LRP1B: variants seen among roughly 807,000 people sequenced by gnomAD.
LRP1B encodes LDL receptor related protein 1B, also known as low-density lipoprotein receptor-related protein 1B.
A neutral mutation model predicts 556.6 loss-of-function variants in LRP1B; 217 were observed. That is an observed-to-expected ratio of 0.39 (90% CI 0.35 to 0.44). The LOEUF is 0.44. Ranked by LOEUF, LRP1B falls within the 20% of genes least tolerant of loss-of-function variation. The probability of loss-of-function intolerance (pLI) is 1.00; values close to 1 mark genes in which losing one functional copy is unlikely to be tolerated. For synonymous variants in LRP1B, 2,047 were observed against 1,865.8 expected, an observed-to-expected ratio of 1.10 and a Z score of -2.50; for missense variants, 5,053 against 5,620.8, an observed-to-expected ratio of 0.90 and a Z score of 3.23.
intron 66 of LRP1B, among the ~76,000 whole-genome samples, chr2:140,389,246 GTA>G (rs1558848379): frequency 6.6e-6 from 1 of 151,916 alleles, no homozygotes; most frequent in Non-Finnish European, 1.5e-5. Context: ...ATTATATGTA[GTA>G]TATAATGTAA....
At chr2:141,803,431 AG>A (rs1190509300) in intron 2 of LRP1B, among the ~76,000 whole-genome samples, 2 of 152,036 alleles carry the variant, frequency 1.3e-5, no homozygotes, top group African/African-American at 4.8e-5. Flanking sequence ...TTATTAAAGA[AG>A]GGTCAATGCT....
chr2:140,693,265 T>C (rs1029089928), intron 41 of LRP1B, among the ~76,000 whole-genome samples: 4 of 152,228 alleles, frequency 2.6e-5, no homozygotes, highest in Admixed American at 2.0e-4. Flanking sequence ...TTTGCTCTTC[T>C]ATGTGAATTC....
chr2:141,840,363 A>T (rs1697426256), intron 1 of LRP1B, among the ~76,000 whole-genome samples: 1 of 139,100 alleles, frequency 7.2e-6, no homozygotes, highest in African/African-American at 2.8e-5. Flanking sequence ...TCCCGGGTTC[A>T]CGCCATTCTC....
At position 141,062,117 on chromosome 2, in the gene LRP1B, G is replaced by A. The variant is rs1431955826; in HGVS notation, c.1170C>T (p.Tyr390=). ...VNKLVYWVDL[Y]LDYVGVVDYQ... is the part of the protein sequence containing the mutation. ...AGTCCACTACTCCCACATAGTCCAA[G>A]TAAAGATCTACCCAGTAAACCAATT... Residue 390 remains tyrosine, a synonymous_variant, in exon 8 of 91, where the codon TAC becomes TAT. Transcript: ENST00000389484. The A allele has an allele frequency of 1.9e-6, 3 of 1,611,916 alleles. No homozygotes were observed. Among genetic ancestry groups the A allele is most frequent in the Middle Eastern group, 1.7e-4 (1 of 6,046 alleles).
At chr2:141,704,358 A>C (rs1692062308) in intron 2 of LRP1B, among the ~76,000 whole-genome samples, 1 of 151,990 alleles carries the variant, frequency 6.6e-6, no homozygotes, top group Non-Finnish European at 1.5e-5. Context: ...TAAAAGATCA[A>C]CTTGAAACAC....
chr2:140,578,476 T>C (rs1022194247), intron 43 of LRP1B, among the ~76,000 whole-genome samples: 11 of 152,228 alleles, frequency 7.2e-5, no homozygotes, highest in African/African-American at 1.7e-4. Context: ...CCAGCCACCC[T>C]GGCCTCCTTC....
intron 86 of LRP1B, among the ~76,000 whole-genome samples, chr2:140,259,903 T>TA (rs754895396): frequency 4.6e-5 from 7 of 151,902 alleles, no homozygotes; most frequent in Non-Finnish European, 7.4e-5. Flanking sequence ...GTGATAAATG[T>TA]AAAAACCAAT....
intron 41 of LRP1B, among the ~76,000 whole-genome samples, chr2:140,673,541 A>G (rs763583047): frequency 1.3e-5 from 2 of 152,150 alleles, no homozygotes; most frequent in African/African-American, 4.8e-5. Context: ...TTTAACATCT[A>G]TATCTATGAA....
At chr2:141,439,130 A>G (rs1680869601) in intron 3 of LRP1B, among the ~76,000 whole-genome samples, 1 of 152,150 alleles carries the variant, frequency 6.6e-6, no homozygotes, top group Non-Finnish European at 1.5e-5. Flanking sequence ...AAATGTTAAG[A>G]TTTCTAATTG....
chr2:141,982,221 A>G (rs926999124), intron 1 of LRP1B, among the ~76,000 whole-genome samples: 2 of 152,188 alleles, frequency 1.3e-5, no homozygotes, highest in African/African-American at 4.8e-5. Context: ...TTAAGGCTCT[A>G]GTGGGCTAAT....
intron 3 of LRP1B, among the ~76,000 whole-genome samples, chr2:141,317,108 T>C (rs1008512023): frequency 5.3e-5 from 8 of 152,168 alleles, no homozygotes; most frequent in Non-Finnish European, 8.8e-5. Context: ...TTTGACACAA[T>C]TGAATGAGGT....
chr2:141,730,665 A>T (rs2105517700), intron 2 of LRP1B, among the ~76,000 whole-genome samples: 1 of 152,280 alleles, frequency 6.6e-6, no homozygotes, highest in Middle Eastern at 3.4e-3. Context: ...AGTATTTATG[A>T]GTCAGAGGAA....
chr2:141,669,952 A>G (rs1287434561), intron 2 of LRP1B, among the ~76,000 whole-genome samples: 9 of 152,064 alleles, frequency 5.9e-5, no homozygotes, highest in African/African-American at 9.6e-5. Flanking sequence ...ACGGGGTTTC[A>G]CCATGTTGGT....
chr2:141,226,766 G>A (rs894566076), intron 6 of LRP1B, among the ~76,000 whole-genome samples: 21 of 152,094 alleles, frequency 1.4e-4, no homozygotes, highest in African/African-American at 4.3e-4. Flanking sequence ...AGAGCCCATC[G>A]TATTCAATGG....
intron 1 of LRP1B, among the ~76,000 whole-genome samples, chr2:141,930,629 G>T (rs1025742738): frequency 3.9e-5 from 6 of 152,002 alleles, no homozygotes; most frequent in African/African-American, 1.4e-4. Flanking sequence ...GGGATAAGTG[G>T]TTAATTTGGT....
At chr2:141,559,081 T>C (rs1299244965) in intron 2 of LRP1B, among the ~76,000 whole-genome samples, 1 of 151,680 alleles carries the variant, frequency 6.6e-6, no homozygotes, top group Non-Finnish European at 1.5e-5. Flanking sequence ...TAAATTGTTT[T>C]GGTACACTAT....
intron 1 of LRP1B, among the ~76,000 whole-genome samples, chr2:141,811,971 G>C (rs1392738065): frequency 6.6e-6 from 1 of 152,126 alleles, no homozygotes; most frequent in Non-Finnish European, 1.5e-5. Flanking sequence ...CTTTGGATAA[G>C]TGGAATATAG....
chr2:140,934,688 T>A (rs1325733708), intron 20 of LRP1B, among the ~76,000 whole-genome samples: 1 of 152,110 alleles, frequency 6.6e-6, no homozygotes, highest in Non-Finnish European at 1.5e-5. Context: ...AATTCTGGGA[T>A]CCGTGCTTTG....
At chr2:141,921,656 G>A (rs1356501229) in intron 1 of LRP1B, among the ~76,000 whole-genome samples, 1 of 151,902 alleles carries the variant, frequency 6.6e-6, no homozygotes, top group Non-Finnish European at 1.5e-5. Context: ...TTAGAAGTAT[G>A]CTTTAAATTT....
Sources: allele counts gnomAD v4.1 joint callset (sites outside exome capture counted in the v4.1 genomes callset), GRCh38; gene constraint gnomAD v4.1.1; transcripts MANE v1.5; gene names NCBI Gene and HGNC (gene_info 2026-07-23, HGNC 2026-07-21).